Variants in GRM7 observed in about 807,000 individuals in gnomAD.
The protein encoded by GRM7 is glutamate metabotropic receptor 7.
Under a neutral mutation model 84.5 loss-of-function variants are expected in GRM7, and 35 were observed. The observed-to-expected ratio is 0.41, with a 90% CI of 0.32 to 0.55. GRM7 has a LOEUF of 0.55. GRM7 is among the 20% of genes least tolerant of loss of function. The pLI is 0.19. For missense variants in GRM7, 1,003 were observed against 1,194.6 expected, an observed-to-expected ratio of 0.84 and a Z score of 2.36; for synonymous variants, 487 against 455.1, an observed-to-expected ratio of 1.07 and a Z score of -0.89.
intron 1 of GRM7, among the ~76,000 whole-genome samples, chr3:7,023,589 A>C (rs941663145): frequency 6.6e-6 from 1 of 152,140 alleles, no homozygotes; most frequent in Non-Finnish European, 1.5e-5. Flanking sequence ...ACAGGTCTGG[A>C]GGTTAGAAGT....
chr3:7,508,414 T>A (rs576409518), intron 7 of GRM7, among the ~76,000 whole-genome samples: 4 of 151,986 alleles, frequency 2.6e-5, no homozygotes, highest in African/African-American at 9.7e-5. Flanking sequence ...CAAAAATAAT[T>A]TTTTGTCAAT....
intron 9 of GRM7, among the ~76,000 whole-genome samples, chr3:7,702,263 T>C (rs902967629): frequency 2.0e-5 from 3 of 152,210 alleles, no homozygotes; most frequent in Non-Finnish European, 4.4e-5. Flanking sequence ...CCAAGAATCT[T>C]GTTAGACTGT....
intron 7 of GRM7, among the ~76,000 whole-genome samples, chr3:7,572,801 G>A (rs9853702): frequency 0.053 from 5,890 of 111,228 alleles, 524 homozygotes; most frequent in African/African-American, 0.17. Context: ...CAGCCTGGGC[G>A]ACAGAGTGAG....
intron 2 of GRM7, among the ~76,000 whole-genome samples, chr3:7,233,086 G>A (rs534425713): frequency 6.6e-6 from 1 of 152,188 alleles, no homozygotes; most frequent in East Asian, 1.9e-4. Flanking sequence ...TTTTGATTTG[G>A]ACCATTATAT....
chr3:7,257,750 C>G (rs1418789591), intron 2 of GRM7, among the ~76,000 whole-genome samples: 1 of 152,144 alleles, frequency 6.6e-6, no homozygotes, highest in Non-Finnish European at 1.5e-5. Context: ...TCTTACTTTT[C>G]CACCTGTAGC....
At chr3:6,964,973 T>C (rs1391893504) in intron 1 of GRM7, among the ~76,000 whole-genome samples, 2 of 152,232 alleles carry the variant, frequency 1.3e-5, no homozygotes, top group Non-Finnish European at 2.9e-5. Flanking sequence ...TATCTGGCCT[T>C]CATTTTCTGC....
At chr3:7,527,018 T>A (rs967140334) in intron 7 of GRM7, among the ~76,000 whole-genome samples, 1 of 152,070 alleles carries the variant, frequency 6.6e-6, no homozygotes, top group Admixed American at 6.6e-5. Flanking sequence ...TGGCTCTTTT[T>A]AGTTCTATAA....
intron 2 of GRM7, among the ~76,000 whole-genome samples, chr3:7,197,542 G>T (rs1480691295): frequency 3.9e-5 from 6 of 152,036 alleles, no homozygotes; most frequent in Non-Finnish European, 5.9e-5. Flanking sequence ...ATTGTTAATT[G>T]TTCAAGATAA....
intron 1 of GRM7, among the ~76,000 whole-genome samples, chr3:7,038,007 A>C (rs1696443118): frequency 6.6e-6 from 1 of 152,102 alleles, no homozygotes; most frequent in Non-Finnish European, 1.5e-5. Context: ...TTTTCTTCTG[A>C]TGAATTATAA....
intron 1 of GRM7, among the ~76,000 whole-genome samples, chr3:6,952,615 C>T (rs971986587): frequency 6.6e-6 from 1 of 152,156 alleles, no homozygotes; most frequent in Non-Finnish European, 1.5e-5. Flanking sequence ...TCATAGGACT[C>T]ATTTTGTTTG....
chr3:6,865,857 A>T (rs1694921278), intron 1 of GRM7, among the ~76,000 whole-genome samples: 1 of 151,364 alleles, frequency 6.6e-6, no homozygotes, highest in South Asian at 2.1e-4. Flanking sequence ...GGCAACTTTA[A>T]CCTACACTTT....
rs759858498 is a variant in GRM7 at position 6,861,402 on chromosome 3, G to C, written c.14G>C (p.Arg5Thr). 7.6e-6 allele frequency: 12 copies of C among 1,582,828 alleles called. No homozygotes were observed. In the East Asian group the frequency reaches 2.7e-4, roughly 36 times the overall value. MVQL[R>T]KLLRVLTLMK... ...AGCCGGAGCAGCATGGTCCAGCTGA[G>C]GAAGCTGCTCCGCGTCCTGACTTTG... Residue 5 changes from arginine (R) to threonine (T), a missense_variant, in exon 1 of 10, where the codon AGG becomes ACG. Physicochemically the swap from Arg to Thr is moderately conservative, Grantham distance 71. Coordinates refer to ENST00000357716, the MANE Select transcript of GRM7 (RefSeq NM_000844.4). This position sits in a 1 kb window ranked among gnomAD's most constrained non-coding sequence, Gnocchi z 6.4.
chr3:7,378,721 T>C (rs899822640), intron 4 of GRM7, among the ~76,000 whole-genome samples: 2 of 152,124 alleles, frequency 1.3e-5, no homozygotes, highest in African/African-American at 4.8e-5. Context: ...ATATATACAT[T>C]AATATCTAAA....
At chr3:6,985,621 A>T (rs982105788) in intron 1 of GRM7, among the ~76,000 whole-genome samples, 5 of 152,204 alleles carry the variant, frequency 3.3e-5, no homozygotes, top group Admixed American at 6.5e-5. Context: ...CCAACGTCAC[A>T]TGGCTAATAT....
intron 1 of GRM7, among the ~76,000 whole-genome samples, chr3:6,997,853 C>G (rs1323810142): frequency 6.6e-6 from 1 of 151,974 alleles, no homozygotes; most frequent in Non-Finnish European, 1.5e-5. Context: ...AAGTTAGGGC[C>G]AGGTGTCTGT....
intron 4 of GRM7, among the ~76,000 whole-genome samples, chr3:7,319,046 A>G (rs1181056837): frequency 6.6e-6 from 1 of 152,102 alleles, no homozygotes; most frequent in Non-Finnish European, 1.5e-5. Flanking sequence ...AACAAACTTT[A>G]ATTGAGTTCA....
chr3:7,064,463 C>CATATATATATATATATAT (rs745409093), intron 1 of GRM7, among the ~76,000 whole-genome samples: 2 of 87,354 alleles, frequency 2.3e-5, no homozygotes, highest in East Asian at 2.9e-4. Flanking sequence ...GATATATATA[C>CATATATATATATATATAT]ATATATATAT....
intron 8 of GRM7, among the ~76,000 whole-genome samples, chr3:7,611,426 C>T (rs1235375317): frequency 1.3e-5 from 2 of 152,128 alleles, no homozygotes; most frequent in Non-Finnish European, 2.9e-5. Context: ...TCAAGTGCTT[C>T]CTCCAAGATA....
In GRM7 at chr3:7,450,415, C is replaced by T. The variant is rs568567822; in HGVS notation, c.1175-2192C>T. The stretch of plus-strand genomic sequence containing the variant: ...CACATGAATTTACCCTTTGACAAAA[C>T]TCCTCCACTTCTCAAAATTCTTCCC... On this transcript the variant is annotated intron_variant, in intron 5 of 9. Coordinates refer to ENST00000357716, the MANE Select transcript of GRM7 (RefSeq NM_000844.4). 2.6e-5 allele frequency among the ~76,000 whole-genome samples: 4 copies of T among 152,226 alleles called. No homozygotes were observed. The East Asian group carries it at 7.7e-4, about 29-fold the overall frequency.
Sources: allele counts gnomAD v4.1 joint callset (sites outside exome capture counted in the v4.1 genomes callset), GRCh38; gene constraint gnomAD v4.1.1; non-coding constraint Gnocchi (gnomAD v3.1); transcripts MANE v1.5; gene names NCBI Gene and HGNC (gene_info 2026-07-23, HGNC 2026-07-21).